AFMID: variants seen among roughly 807,000 people sequenced by gnomAD.
AFMID encodes kynurenine formamidase.
In AFMID, 39 loss-of-function variants were observed where a neutral mutation model predicts 47.5. The observed-to-expected ratio is 0.82, with a 90% CI of 0.64 to 1.07. The LOEUF is 1.07. Ranked by LOEUF, AFMID falls within the 50% of genes least tolerant of loss-of-function variation. The pLI is 0.00. For synonymous variants in AFMID, 130 were observed against 153.2 expected (o/e 0.85, Z 1.12); for missense variants, 375 against 387.5 (o/e 0.97, Z 0.27).
Position 78,206,980 on chromosome 17 carries a change from G to T in AFMID, c.*43G>T. On this transcript the variant is annotated 3_prime_UTR_variant, in exon 11 of 11. Transcript: ENST00000409257. ...GCCTGGTCCACGTGCATCCCACCTT[G>T]GGAAGCCTCTCCAAAGAGCTTTCGG... is the stretch of plus-strand genomic sequence containing the variant. The T allele has an allele frequency of 6.2e-7, 1 of 1,607,702 alleles. No homozygotes were observed.
rs752731116 is a variant in AFMID at position 78,204,638 on chromosome 17, A to G, written c.309-18A>G. The G allele has an allele frequency of 1.2e-5, 20 of 1,613,932 alleles. No homozygotes were observed. The highest frequency in any genetic ancestry group is 1.7e-5 in the Admixed American group (1 of 59,992). ...TGGCCAAGCTGCCTCCAGCTGTCAC[A>G]TCTGTGTGTCTCTGCAGTAAGGATG... On this transcript the variant is annotated intron_variant, in intron 4 of 10. Coordinates refer to ENST00000409257, the MANE Select transcript of AFMID (RefSeq NM_001010982.5).
Position 78,207,093 on chromosome 17 carries a change from G to A in AFMID, c.*156G>A. The A allele has an allele frequency of 1.3e-6, 1 of 782,964 alleles. No homozygotes were observed. The highest frequency in any genetic ancestry group is 1.5e-5 in the South Asian group (1 of 67,586). 48.5% of individuals were successfully genotyped at this position (782,964 alleles called of 1,614,324 possible). ...CCGGCAAGAGTCCATTCTCACTGCT[G>A]GGACACTCATGAAAATCTCCACGTC... On this transcript the variant is annotated 3_prime_UTR_variant, in exon 11 of 11. Transcript: ENST00000409257.
chr17:78,193,802 C>G (rs1270708180), intron 2 of AFMID, among the ~76,000 whole-genome samples: 1 of 151,898 alleles, frequency 6.6e-6, no homozygotes, highest in East Asian at 1.9e-4. Flanking sequence ...ACGGTGAAAC[C>G]CTGTCTCTAC....
rs138105144 is a variant in AFMID at position 78,204,826 on chromosome 17, A to C, written c.395-2A>C. ...CTGACCCAGCTCATGCTCTCTGTGCAGGCACCCTGGACCACATGGTAGACC... is the reference window on the plus strand; with the variant it reads ...CTGACCCAGCTCATGCTCTCTGTGCCGGCACCCTGGACCACATGGTAGACC... On this transcript the variant is annotated splice_acceptor_variant, in intron 5 of 10. Coordinates refer to ENST00000409257, the MANE Select transcript of AFMID (RefSeq NM_001010982.5). LOFTEE classifies it high-confidence loss of function. 1 of 1,614,116 alleles carries C rather than the reference A, an allele frequency of 6.2e-7. No homozygotes were observed. The highest frequency in any genetic ancestry group is 8.5e-7 in the Non-Finnish European group (1 of 1,180,046).
chr17:78,203,433 G>C lies in AFMID; in HGVS notation c.308+682G>C, dbSNP rs1307705176. Reference sequence around the variant, plus strand: ...GGTTAGGATTTGGACATATCTTTTGGGGGGACACAGTTCAACCCACTACAC... The same window carrying C: ...GGTTAGGATTTGGACATATCTTTTGCGGGGACACAGTTCAACCCACTACAC... On this transcript the variant is annotated intron_variant, in intron 4 of 10. Coordinates refer to ENST00000409257, the MANE Select transcript of AFMID (RefSeq NM_001010982.5). 3 of 151,442 alleles carry C rather than the reference G, an allele frequency of 2.0e-5. No individual in the cohort carries two copies. In the East Asian group the frequency reaches 5.8e-4, roughly 29 times the overall value. 9.4% of individuals were successfully genotyped at this position (151,442 alleles called of 1,614,324 possible).
chr17:78,192,156 G>A (rs112233729), intron 2 of AFMID, among the ~76,000 whole-genome samples: 2,037 of 150,438 alleles, frequency 0.014, 42 homozygotes, highest in South Asian at 0.093. Context: ...GCGCCACCAC[G>A]CCCTGCTAAG....
intron 2 of AFMID, among the ~76,000 whole-genome samples, chr17:78,194,041 T>G (rs1375249555): frequency 6.6e-6 from 1 of 151,314 alleles, no homozygotes; most frequent in East Asian, 1.9e-4. Flanking sequence ...TTCCACCTAC[T>G]TGAGAGGCTG....
In AFMID at chr17:78,202,539, T is replaced by C. The variant is rs1599010259; in HGVS notation, c.195T>C (p.His65=). The C allele has an allele frequency of 6.2e-7, 1 of 1,614,026 alleles. No homozygotes were observed. ...GGGCCACCAGGAAGAGCCTGCTGCA[T>C]GTCCCCTATGGAGACGGCGAAGGGG... ...RARATRKSLL[H]VPYGDGEGEK... is the part of the protein sequence containing the mutation. Residue 65 remains histidine, a synonymous_variant, in exon 3 of 11, where the codon CAT becomes CAC. Transcript: ENST00000409257.
chr17:78,205,163 A>C lies in AFMID; in HGVS notation c.538A>C (p.Lys180Gln), dbSNP rs773760949. Residue 180 changes from lysine to glutamine, a missense_variant, in exon 7 of 11, where the codon AAG becomes CAG. Transcript: ENST00000409257. ...CATGATGCTCCTGGCCGACTGGACC[A>C]AGCATGGGGTCACGCCCAACCTCAG... ...AAMMLLADWT[K>Q]HGVTPNLRGF... The C allele has an allele frequency of 1.9e-6, 3 of 1,612,642 alleles. No individual in the cohort carries two copies. The highest frequency in any genetic ancestry group is 2.2e-5 in the South Asian group (2 of 90,752).
intron 7 of AFMID, 56 bp from the exon 8 acceptor site, chr17:78,205,384 G>A (rs897707236): frequency 2.2e-5 from 35 of 1,593,778 alleles, no homozygotes; most frequent in Non-Finnish European, 2.6e-5. Flanking sequence ...GGGGTGGGCT[G>A]GCCCTGCCTT....
chr17:78,190,922 T>C, intron 1 of AFMID, 48 bp from the exon 2 acceptor site: 1 of 1,568,506 alleles, frequency 6.4e-7, no homozygotes, highest in Non-Finnish European at 8.7e-7. Flanking sequence ...AGGGGCACAC[T>C]CTGTTGAGAA....
At chr17:78,202,667 G>A (rs371051313) in intron 3 of AFMID, 36 bp from the exon 4 acceptor site, 151 of 1,571,738 alleles carry the variant, frequency 9.6e-5, no homozygotes, top group Middle Eastern at 1.7e-4. Context: ...TCAGCAGGGC[G>A]GGCCTTGCTC....
intron 2 of AFMID, among the ~76,000 whole-genome samples, chr17:78,201,920 C>T (rs1258561993): frequency 2.0e-5 from 3 of 151,576 alleles, no homozygotes; most frequent in Non-Finnish European, 2.9e-5. Flanking sequence ...TTAGTAGAGA[C>T]AGGGTTTCAC....
chr17:78,198,965 A>G (rs529856683), intron 2 of AFMID, among the ~76,000 whole-genome samples: 1 of 152,144 alleles, frequency 6.6e-6, no homozygotes, highest in Non-Finnish European at 1.5e-5. Flanking sequence ...CTTTCATCCA[A>G]ATGGCCCCGT....
intron 2 of AFMID, among the ~76,000 whole-genome samples, chr17:78,199,225 A>G (rs545728066): frequency 6.6e-6 from 1 of 152,334 alleles, no homozygotes; most frequent in African/African-American, 2.4e-5. Flanking sequence ...CATCCAGCTG[A>G]AGTGGAGACA....
chr17:78,206,159 A>T, intron 10 of AFMID, 109 bp downstream of exon 10: 1 of 860,634 alleles, frequency 1.2e-6, no homozygotes, highest in Non-Finnish European at 1.9e-6. Context: ...AACATGGAGA[A>T]ACTCCGTGTC....
intron 5 of AFMID, 31 bp from the exon 6 acceptor site, chr17:78,204,797 A>G (rs2145878463): frequency 6.2e-7 from 1 of 1,614,184 alleles, no homozygotes; most frequent in South Asian, 1.1e-5. Context: ...GAGGAAGTGC[A>G]TCCCTGACCC....
intron 2 of AFMID, among the ~76,000 whole-genome samples, chr17:78,200,764 C>T (rs776959739): frequency 6.6e-6 from 1 of 152,198 alleles, no homozygotes; most frequent in African/African-American, 2.4e-5. Flanking sequence ...GAGAGAATCA[C>T]GTTCTACTGC....
chr17:78,188,276 G>A (rs957906479), intron 1 of AFMID, among the ~76,000 whole-genome samples: 1 of 152,162 alleles, frequency 6.6e-6, no homozygotes, highest in Non-Finnish European at 1.5e-5. Context: ...GATCCTACAG[G>A]TAATAACCTT....
Sources: allele counts gnomAD v4.1 joint callset (sites outside exome capture counted in the v4.1 genomes callset), GRCh38; gene constraint gnomAD v4.1.1; transcripts MANE v1.5; gene names NCBI Gene and HGNC (gene_info 2026-07-23, HGNC 2026-07-21).